NXPE3: variants seen among roughly 807,000 people sequenced by gnomAD.
NXPE3 encodes neurexophilin and PC-esterase domain family member 3, also known as NXPE family member 3.
In NXPE3, 26 loss-of-function variants were observed where a neutral mutation model predicts 46.1. The observed-to-expected ratio is 0.56, with a 90% CI of 0.41 to 0.78. The LOEUF (loss-of-function observed/expected upper bound fraction) is 0.78, where lower values mean the gene tolerates loss of function less well. Ranked by LOEUF, NXPE3 falls within the 30% of genes least tolerant of loss-of-function variation. The pLI is 0.00. For synonymous variants in NXPE3, 272 were observed against 257.9 expected (o/e 1.05, Z -0.52); for missense variants, 620 against 686.0 (o/e 0.90, Z 1.07).
At chr3:101,802,127 T>TA (rs369908652) in intron 5 of NXPE3, 138 bp downstream of exon 5, 37,867 of 522,364 alleles carry the variant, frequency 0.072, no homozygotes, top group East Asian at 0.097. Context: ...AGGTAGTGAA[T>TA]AAAAAAAAAA....
intron 4 of NXPE3, among the ~76,000 whole-genome samples, chr3:101,798,852 G>C (rs960035419): frequency 1.1e-4 from 16 of 152,116 alleles, no homozygotes; most frequent in Non-Finnish European, 1.0e-4. Context: ...GAGCTCAAAC[G>C]ATCCCGATCT....
chr3:101,803,916 C>T lies in NXPE3; in HGVS notation c.848+1927C>T, dbSNP rs752573908. Among the ~76,000 whole-genome samples the T allele has an allele frequency of 5.1e-4, 78 of 152,216 alleles. 1 individual carries two copies. Among genetic ancestry groups the T allele is most frequent in the South Asian group, 6.2e-4 (3 of 4,834 alleles). Reference sequence around the variant, plus strand: ...ATTACAGATGTGAGCCACCATACCCCGTTAGAGTTGTGTTTTTAGATTTTT... The same window carrying T: ...ATTACAGATGTGAGCCACCATACCCTGTTAGAGTTGTGTTTTTAGATTTTT... On this transcript the variant is annotated intron_variant, in intron 5 of 7. Transcript: ENST00000273347.
chr3:101,816,899 G>A lies in NXPE3; in HGVS notation c.1027G>A (p.Asp343Asn), dbSNP rs1941997523. 1 of 1,613,618 alleles carries A rather than the reference G, an allele frequency of 6.2e-7. No individual in the cohort carries two copies. The highest frequency in any genetic ancestry group is 1.7e-5 in the Admixed American group (1 of 60,000). ...PRKFKMRQFNDPDNITECLQR... is the reference protein window; with the variant it reads ...PRKFKMRQFNNPDNITECLQR... The stretch of plus-strand genomic sequence containing the variant: ...AAAGTTTAAGATGCGTCAGTTTAAT[G>A]ACCCTGACAACATTACAGAGTGCTT... The change falls in exon 7 of 8, where the codon GAC (aspartate) becomes AAC (asparagine). Residue 343 changes from aspartate (D) to asparagine (N), a missense_variant. By Grantham distance (23) the Asp-to-Asn change is conservative. Transcript: ENST00000273347.
At chr3:101,794,572 A>C (rs899933640) in intron 4 of NXPE3, among the ~76,000 whole-genome samples, 1 of 152,176 alleles carries the variant, frequency 6.6e-6, no homozygotes, top group Non-Finnish European at 1.5e-5. Flanking sequence ...AGGGACAATA[A>C]ATTTCAAGAC....
intron 7 of NXPE3, among the ~76,000 whole-genome samples, chr3:101,819,900 GTCTAGCAGCCC>G (rs1228831710): frequency 2.0e-5 from 3 of 152,118 alleles, no homozygotes; most frequent in Non-Finnish European, 4.4e-5. Context: ...GCACCTACCC[GTCTAGCAGCCC>G]TCTGGTAACC....
In NXPE3 at chr3:101,821,772, T is replaced by TTTTCAACA; in HGVS notation, c.1498_1499insTTTCAACA (p.Trp500PhefsTer30). The TTTTCAACA allele has an allele frequency of 6.2e-7, 1 of 1,614,216 alleles. No homozygotes were observed. Among genetic ancestry groups the TTTTCAACA allele is most frequent in the Non-Finnish European group, 8.5e-7 (1 of 1,180,030 alleles). ...TGAGGTGAGCCTTTTCAACAGCGAC[T>TTTTCAACA]GGTACAACTTTCAGCTGGACACCAT... On this transcript the variant is annotated frameshift_variant, in exon 8 of 8. Coordinates refer to ENST00000273347, the MANE Select transcript of NXPE3 (RefSeq NM_145037.4). LOFTEE classifies it high-confidence loss of function.
intron 5 of NXPE3, among the ~76,000 whole-genome samples, chr3:101,803,383 A>G (rs542637694): frequency 6.4e-4 from 97 of 152,306 alleles, no homozygotes; most frequent in African/African-American, 2.3e-3. Flanking sequence ...GCACTACTCA[A>G]TGTACAGTGT....
Position 101,816,970 on chromosome 3 carries a change from A to G in NXPE3, c.1098A>G (p.Gln366=), listed in dbSNP as rs1560065591. The G allele has an allele frequency of 6.2e-7, 1 of 1,614,144 alleles. No homozygotes were observed. Among genetic ancestry groups the G allele is most frequent in the Non-Finnish European group, 8.5e-7 (1 of 1,180,006 alleles). ...TATTTGGTGACTCAACAATCAGGCA[A>G]TGGTTTGAATACCTTACTACATTTG... ...VHLFGDSTIR[Q]WFEYLTTFVP... Residue 366 remains glutamine, a synonymous_variant, in exon 7 of 8, where the codon CAA becomes CAG. Transcript: ENST00000273347.
intron 4 of NXPE3, among the ~76,000 whole-genome samples, chr3:101,796,721 G>A (rs553600414): frequency 4.6e-5 from 7 of 152,222 alleles, no homozygotes; most frequent in African/African-American, 1.7e-4. Flanking sequence ...TTAAAATGAA[G>A]CCTCCTAAAT....
chr3:101,789,666 C>A (rs1317617876), intron 4 of NXPE3, among the ~76,000 whole-genome samples: 2 of 151,894 alleles, frequency 1.3e-5, no homozygotes, highest in Non-Finnish European at 2.9e-5. Flanking sequence ...TTCTAATTTC[C>A]CTTTTTCTTT....
At chr3:101,790,385 C>T (rs1396683457) in intron 4 of NXPE3, among the ~76,000 whole-genome samples, 1 of 152,118 alleles carries the variant, frequency 6.6e-6, no homozygotes, top group Non-Finnish European at 1.5e-5. Flanking sequence ...TCAGTTTTCA[C>T]TTCATGTGTT....
At chr3:101,797,424 A>ATT (rs5851282) in intron 4 of NXPE3, among the ~76,000 whole-genome samples, 1 of 143,158 alleles carries the variant, frequency 7.0e-6, no homozygotes, top group African/African-American at 2.6e-5. Context: ...TTTTTTTTTA[A>ATT]TTTTTTTTTT....
At chr3:101,812,811 C>CAAAAAAAA (rs57029374) in intron 6 of NXPE3, among the ~76,000 whole-genome samples, 5 of 58,712 alleles carry the variant, frequency 8.5e-5, no homozygotes, top group Non-Finnish European at 1.2e-4. Context: ...GACTCCGTCT[C>CAAAAAAAA]AAAAAAAAAA....
At chr3:101,802,062 T>C in intron 5 of NXPE3, 73 bp downstream of exon 5, 1 of 1,430,758 alleles carries the variant, frequency 7.0e-7, no homozygotes, top group Non-Finnish European at 9.3e-7. Context: ...TAGGAGACTT[T>C]CTGGTATTCG....
intron 7 of NXPE3, among the ~76,000 whole-genome samples, chr3:101,819,753 A>G (rs548938775): frequency 6.6e-6 from 1 of 152,308 alleles, no homozygotes; most frequent in African/African-American, 2.4e-5. Context: ...TTACTTTTTT[A>G]TAGTGAGAAT....
intron 4 of NXPE3, 138 bp downstream of exon 4, chr3:101,785,827 C>T (rs16844200): frequency 2.3e-5 from 16 of 705,610 alleles, no homozygotes; most frequent in African/African-American, 6.9e-5. Context: ...TAAGTATTTG[C>T]GTGCTCACAA....
intron 4 of NXPE3, among the ~76,000 whole-genome samples, chr3:101,799,194 C>T (rs1941006321): frequency 6.6e-6 from 1 of 152,100 alleles, no homozygotes; most frequent in Non-Finnish European, 1.5e-5. Context: ...TCTGCTTCAG[C>T]CTCCCGAAGT....
intron 6 of NXPE3, among the ~76,000 whole-genome samples, chr3:101,816,284 A>G (rs1338846027): frequency 6.7e-6 from 1 of 149,286 alleles, no homozygotes; most frequent in East Asian, 2.0e-4. Flanking sequence ...TTTTTTTTTT[A>G]ATTTTACTTT....
chr3:101,818,715 T>TTTTA (rs1378317083), intron 7 of NXPE3, among the ~76,000 whole-genome samples: 35 of 38,044 alleles, frequency 9.2e-4, no homozygotes, highest in African/African-American at 2.5e-3. Flanking sequence ...ATATGACAAT[T>TTTTA]TATATATATA....
Sources: allele counts gnomAD v4.1 joint callset (sites outside exome capture counted in the v4.1 genomes callset), GRCh38; gene constraint gnomAD v4.1.1; transcripts MANE v1.5; gene names NCBI Gene and HGNC (gene_info 2026-07-23, HGNC 2026-07-21).